Variants in TCTN1 observed in about 807,000 individuals in gnomAD.
TCTN1 encodes tectonic-1.
TCTN1 carries 58 observed loss-of-function variants against 65.8 expected under a neutral mutation model. The observed-to-expected ratio is 0.88, with a 90% CI of 0.71 to 1.10. The LOEUF (loss-of-function observed/expected upper bound fraction) is 1.10, where lower values mean the gene tolerates loss of function less well. TCTN1 is among the 50% of genes least tolerant of loss of function. The pLI, the probability that TCTN1 is intolerant of heterozygous loss-of-function variation, is 0.00. For missense variants in TCTN1, 645 were observed against 719.4 expected (o/e 0.90, Z 1.18); for synonymous variants, 273 against 289.1 (o/e 0.94, Z 0.57).
chr12:110,646,541 C>T (rs1234560911), intron 12 of TCTN1: 1 of 153,064 alleles, frequency 6.5e-6, no homozygotes, highest in Non-Finnish European at 1.5e-5. Flanking sequence ...CCTGGAAAGC[C>T]CACGGCCCCT....
At chr12:110,635,234 A>G (rs1417673985) in intron 6 of TCTN1, among the ~76,000 whole-genome samples, 3 of 152,214 alleles carry the variant, frequency 2.0e-5, no homozygotes, top group Non-Finnish European at 4.4e-5. Context: ...AGTGGGCACA[A>G]TGGTGAAGGG....
At chr12:110,637,482 A>G (rs1253940561) in intron 7 of TCTN1, among the ~76,000 whole-genome samples, 2 of 152,200 alleles carry the variant, frequency 1.3e-5, no homozygotes, top group African/African-American at 4.8e-5. Context: ...AAGACCTATT[A>G]TGAGGAATGA....
rs886949245 is a variant in TCTN1 at position 110,639,711 on chromosome 12, A to G, written c.844-672A>G. 6.6e-6 allele frequency among the ~76,000 whole-genome samples: 1 copy of G among 152,120 alleles called. No individual in the cohort carries two copies. Among genetic ancestry groups the G allele is most frequent in the Admixed American group, 6.5e-5 (1 of 15,268 alleles). On this transcript the variant is annotated intron_variant, in intron 7 of 14. Coordinates refer to ENST00000397659, the MANE Select transcript of TCTN1 (RefSeq NM_001082538.3). The surrounding 1 kb of genome is among the most constrained non-coding windows in gnomAD (Gnocchi z 4.9). ...ACCATAAAACTCACCATTTTAAAGT[A>G]TACAATTCTGTGGTTTTTAGTATAG...
chr12:110,642,389 G>A lies in TCTN1; in HGVS notation c.1331G>A (p.Arg444Lys), dbSNP rs2067016294. The A allele has an allele frequency of 1.9e-6, 3 of 1,614,022 alleles. No individual in the cohort carries two copies. The highest frequency in any genetic ancestry group is 1.7e-5 in the Admixed American group (1 of 59,992). Residue 444 changes from arginine to lysine, a missense_variant and splice_region_variant, in exon 11 of 15, where the codon AGA (arginine) becomes AAA (lysine). Transcript: ENST00000397659. ...ACTATGCAATCTGGCTGTAAACTAA[G>A]GTAAAAGAGTCACTTGTTTCTGTTT... ...GYTMQSGCKL[R>K]LTGALPCQLV...
At chr12:110,646,501 A>C (rs1314534380) in intron 12 of TCTN1, 1 of 152,954 alleles carries the variant, frequency 6.5e-6, no homozygotes, top group Non-Finnish European at 1.5e-5. Context: ...ACATTTGCCA[A>C]CCGGAGAGAC....
chr12:110,626,267 A>G, intron 2 of TCTN1, 95 bp from the exon 3 acceptor site: 1 of 1,342,896 alleles, frequency 7.4e-7, no homozygotes, highest in Non-Finnish European at 1.0e-6. Flanking sequence ...CTGTTAACAT[A>G]GTACAGTACA....
intron 2 of TCTN1, among the ~76,000 whole-genome samples, chr12:110,620,577 A>G (rs1183220706): frequency 6.6e-6 from 1 of 152,310 alleles, no homozygotes; most frequent in South Asian, 2.1e-4. Context: ...GTATCAGTGA[A>G]TTAGTATAGC....
intron 5 of TCTN1, 168 bp from the exon 6 acceptor site, chr12:110,634,502 C>T (rs1298296470): frequency 1.6e-5 from 10 of 635,122 alleles, no homozygotes; most frequent in Non-Finnish European, 2.2e-5. Context: ...CACGGTGAAA[C>T]CTTGTCTCTA....
In TCTN1 at chr12:110,646,712, T is replaced by G. The variant is rs143494483; in HGVS notation, c.1495-484T>G. 14 of 221,910 alleles carry G rather than the reference T, an allele frequency of 6.3e-5. No individual in the cohort carries two copies. The East Asian group carries it at 1.7e-3, about 28-fold the overall frequency. 13.7% of individuals were successfully genotyped at this position (221,910 alleles called of 1,614,324 possible). Reference sequence around the variant, plus strand: ...CCTGGATTACCTAGATGTCACATCTTAATTGCCAATTGATGAAATTAGGTA... The same window carrying G: ...CCTGGATTACCTAGATGTCACATCTGAATTGCCAATTGATGAAATTAGGTA... On this transcript the variant is annotated intron_variant, in intron 12 of 14. Transcript: ENST00000397659.
rs762801024 is a variant in TCTN1 at position 110,647,301 on chromosome 12, G to A, written c.1600G>A (p.Val534Ile). The part of the protein sequence containing the change: ...LLNPQAKIVN[V>I]TANLISSSFP... The stretch of plus-strand genomic sequence containing the variant: ...GAATCCACAGGCCAAAATAGTCAAT[G>A]TAACTGCAAATCTAATTTCATCCTC... Residue 534 changes from valine to isoleucine, a missense_variant, in exon 13 of 15, where the codon GTA becomes ATA. By Grantham distance (29) the Val-to-Ile change is conservative. Coordinates refer to ENST00000397659, the MANE Select transcript of TCTN1 (RefSeq NM_001082538.3). 1 of 1,614,076 alleles carries A rather than the reference G, an allele frequency of 6.2e-7. No homozygotes were observed. The highest frequency in any genetic ancestry group is 1.3e-5 in the African/African-American group (1 of 74,924).
chr12:110,632,305 C>T (rs1314581922), intron 4 of TCTN1, among the ~76,000 whole-genome samples, 167 bp from the exon 5 acceptor site: 4 of 152,064 alleles, frequency 2.6e-5, no homozygotes, highest in South Asian at 2.1e-4. Flanking sequence ...TTAAAAATGG[C>T]GACACAACTA....
chr12:110,638,063 T>C (rs752823160), intron 7 of TCTN1, among the ~76,000 whole-genome samples: 1 of 152,084 alleles, frequency 6.6e-6, no homozygotes, highest in Non-Finnish European at 1.5e-5. Flanking sequence ...GTTCAGTTAC[T>C]GTCACTCTCT....
chr12:110,639,689 A>C lies in TCTN1; in HGVS notation c.844-694A>C, dbSNP rs928103972. Reference sequence around the variant, plus strand: ...GTATTTGAGATATAATTCATATACCATAAAACTCACCATTTTAAAGTATAC... The same window carrying C: ...GTATTTGAGATATAATTCATATACCCTAAAACTCACCATTTTAAAGTATAC... On this transcript the variant is annotated intron_variant, in intron 7 of 14. Coordinates refer to ENST00000397659, the MANE Select transcript of TCTN1 (RefSeq NM_001082538.3). The surrounding 1 kb of genome is among the most constrained non-coding windows in gnomAD (Gnocchi z 4.9). 6.6e-6 allele frequency among the ~76,000 whole-genome samples: 1 copy of C among 152,280 alleles called. No individual in the cohort carries two copies. The highest frequency in any genetic ancestry group is 2.4e-5 in the African/African-American group (1 of 41,534).
chr12:110,634,791 T>C lies in TCTN1; in HGVS notation c.822+12T>C. 1 of 1,584,096 alleles carries C rather than the reference T, an allele frequency of 6.3e-7. No individual in the cohort carries two copies. The highest frequency in any genetic ancestry group is 1.1e-5 in the South Asian group (1 of 88,702). ...CGGAAATTCTGAGGGTAAGAATTAT[T>C]TTGAAGTGGAACTTACTCATTAGGT... On this transcript the variant is annotated intron_variant, in intron 6 of 14. Transcript: ENST00000397659.
At chr12:110,624,748 AT>A (rs2065711677) in intron 2 of TCTN1, among the ~76,000 whole-genome samples, 1 of 151,540 alleles carries the variant, frequency 6.6e-6, no homozygotes, top group African/African-American at 2.4e-5. Flanking sequence ...TGGCTAATTT[AT>A]TTTTGTATTT....
chr12:110,647,728 G>C (rs776813323), intron 13 of TCTN1, 21 bp from the exon 14 acceptor site: 1 of 1,613,452 alleles, frequency 6.2e-7, no homozygotes, highest in East Asian at 2.2e-5. Flanking sequence ...GGTGGGCCTT[G>C]CATCTCTCTG....
rs1422436588 is a variant in TCTN1 at position 110,639,792 on chromosome 12, A to G, written c.844-591A>G. Among the ~76,000 whole-genome samples, 1 of 152,210 alleles carries G rather than the reference A, an allele frequency of 6.6e-6. No homozygotes were observed. The highest frequency in any genetic ancestry group is 2.4e-5 in the African/African-American group (1 of 41,454). ...CCGGAACATTTCCATCACCCCAAAAAGGAGCCTTGTGTTAGCAGTCACTCC... is the reference window on the plus strand; with the variant it reads ...CCGGAACATTTCCATCACCCCAAAAGGGAGCCTTGTGTTAGCAGTCACTCC... On this transcript the variant is annotated intron_variant, in intron 7 of 14. Coordinates refer to ENST00000397659, the MANE Select transcript of TCTN1 (RefSeq NM_001082538.3). This position sits in a 1 kb window ranked among gnomAD's most constrained non-coding sequence, Gnocchi z 4.9.
chr12:110,640,897 A>G lies in TCTN1; in HGVS notation c.979-127A>G. The G allele has an allele frequency of 2.2e-6, 3 of 1,367,814 alleles. No homozygotes were observed. The highest frequency in any genetic ancestry group is 1.7e-5 in the Admixed American group (1 of 59,522). The allele number at this position is 1,367,814 out of a possible 1,614,324, so 84.7% of individuals were successfully genotyped here. On this transcript the variant is annotated intron_variant, in intron 8 of 14. Coordinates refer to ENST00000397659, the MANE Select transcript of TCTN1 (RefSeq NM_001082538.3). The surrounding 1 kb of genome is among the most constrained non-coding windows in gnomAD (Gnocchi z 4.9). ...AACACCTCTCATAATCCAACTGGAC[A>G]GCAGAGCAAGGCTTCAACACATGGA...
intron 2 of TCTN1, among the ~76,000 whole-genome samples, chr12:110,622,533 G>A (rs917148074): frequency 3.3e-5 from 5 of 152,212 alleles, no homozygotes; most frequent in African/African-American, 7.2e-5. Context: ...GAAAACAGGA[G>A]CTGAGCTGGG....
Sources: gnomAD v4.1 joint callset for allele counts (sites outside exome capture counted in the v4.1 genomes callset) on GRCh38, gnomAD v4.1.1 for gene constraint, Gnocchi (gnomAD v3.1) non-coding constraint, MANE v1.5 for transcripts, NCBI Gene and HGNC (gene_info 2026-07-23, HGNC 2026-07-21) for gene names.